The following SAMD4A variants were observed in gnomAD, a reference collection of about 807,000 sequenced individuals.
SAMD4A encodes the protein protein Smaug homolog 1.
A neutral mutation model predicts 81.3 loss-of-function variants in SAMD4A; 33 were observed. The observed-to-expected ratio is 0.41, with a 90% confidence interval of 0.31 to 0.54. The LOEUF (loss-of-function observed/expected upper bound fraction) is 0.54. Ranked by LOEUF, SAMD4A falls within the 20% of genes least tolerant of loss-of-function variation. The pLI is 0.37. For synonymous variants in SAMD4A, 389 were observed against 382.1 expected, an observed-to-expected ratio of 1.02 and a Z score of -0.21; for missense variants, 854 against 951.1, an observed-to-expected ratio of 0.90 and a Z score of 1.34.
At chr14:54,577,092 A>G (rs2033320489) in intron 2 of SAMD4A, among the ~76,000 whole-genome samples, 1 of 152,240 alleles carries the variant, frequency 6.6e-6, no homozygotes, top group Non-Finnish European at 1.5e-5. Flanking sequence ...TGCTGTGGGC[A>G]GTGGGGGCTT....
At chr14:54,619,569 T>C (rs2034567346) in intron 2 of SAMD4A, among the ~76,000 whole-genome samples, 1 of 152,206 alleles carries the variant, frequency 6.6e-6, no homozygotes, top group South Asian at 2.1e-4. Context: ...TTTAAACTTT[T>C]AAGTTCAGGG....
intron 3 of SAMD4A, among the ~76,000 whole-genome samples, chr14:54,726,157 T>A (rs2037410821): frequency 6.6e-6 from 1 of 152,110 alleles, no homozygotes; most frequent in Non-Finnish European, 1.5e-5. Flanking sequence ...AAAGAAAATG[T>A]GCCTGGAGCT....
chr14:54,612,007 G>C (rs1031458623), intron 2 of SAMD4A, among the ~76,000 whole-genome samples: 7 of 152,090 alleles, frequency 4.6e-5, no homozygotes, highest in African/African-American at 1.7e-4. Flanking sequence ...ATTGACACCA[G>C]AGCCGCACAG....
chr14:54,617,109 A>G (rs141426362), intron 2 of SAMD4A, among the ~76,000 whole-genome samples: 7 of 152,306 alleles, frequency 4.6e-5, no homozygotes, highest in African/African-American at 1.7e-4. Flanking sequence ...AAAATTAAAT[A>G]TTTAATTGTG....
intron 2 of SAMD4A, among the ~76,000 whole-genome samples, chr14:54,638,023 G>T (rs2035077806): frequency 6.6e-6 from 1 of 152,160 alleles, no homozygotes; most frequent in Non-Finnish European, 1.5e-5. Context: ...TCCCAACCTT[G>T]CCAGCTTTTT....
At chr14:54,723,614 T>G (rs2037318458) in intron 3 of SAMD4A, among the ~76,000 whole-genome samples, 2 of 152,222 alleles carry the variant, frequency 1.3e-5, no homozygotes, top group African/African-American at 4.8e-5. Flanking sequence ...CAGCAATTCT[T>G]CACCTTCATG....
intron 2 of SAMD4A, among the ~76,000 whole-genome samples, chr14:54,682,255 A>T (rs1345694162): frequency 6.6e-6 from 1 of 152,220 alleles, no homozygotes; most frequent in Non-Finnish European, 1.5e-5. Flanking sequence ...AAGTAGCCAG[A>T]ACTTGCTCAG....
chr14:54,591,244 CA>C (rs1161696364), intron 2 of SAMD4A, among the ~76,000 whole-genome samples: 11 of 152,112 alleles, frequency 7.2e-5, no homozygotes, highest in Admixed American at 5.2e-4. Context: ...GGGTTCTCAG[CA>C]AGGGTATTCC....
chr14:54,618,680 A>G (rs1031567920), intron 2 of SAMD4A, among the ~76,000 whole-genome samples: 1 of 152,196 alleles, frequency 6.6e-6, no homozygotes, highest in African/African-American at 2.4e-5. Context: ...AGAGTTACCA[A>G]GTTACTAAGG....
At chr14:54,770,665 A>AG (rs1431610140) in intron 9 of SAMD4A, among the ~76,000 whole-genome samples, 2 of 152,236 alleles carry the variant, frequency 1.3e-5, no homozygotes, top group Non-Finnish European at 2.9e-5. Flanking sequence ...GGCAGGGTGA[A>AG]GAGCCCAGTG....
At chr14:54,626,015 GGTGTGTGTGTGTGTGTGT>G (rs71446501) in intron 2 of SAMD4A, among the ~76,000 whole-genome samples, 17 of 131,778 alleles carry the variant, frequency 1.3e-4, no homozygotes, top group South Asian at 2.7e-4. Flanking sequence ...TCTACTGCTA[GGTGTGTGTGTGTGTGTGT>G]GTGTGTGTGT....
At chr14:54,639,507 G>A (rs2035117078) in intron 2 of SAMD4A, among the ~76,000 whole-genome samples, 1 of 152,202 alleles carries the variant, frequency 6.6e-6, no homozygotes, top group East Asian at 1.9e-4. Context: ...CCTCACAAGT[G>A]GGGGCCACTC....
At chr14:54,758,603 A>G (rs2038307708) in intron 6 of SAMD4A, among the ~76,000 whole-genome samples, 1 of 152,120 alleles carries the variant, frequency 6.6e-6, no homozygotes, top group African/African-American at 2.4e-5. Context: ...GCTGAGGCGG[A>G]CGGACCACCT....
intron 3 of SAMD4A, among the ~76,000 whole-genome samples, chr14:54,710,806 G>A (rs183740625): frequency 2.0e-5 from 3 of 152,288 alleles, no homozygotes; most frequent in South Asian, 2.1e-4. Flanking sequence ...TATCCTTCCC[G>A]ACTGTGAGCT....
At chr14:54,609,728 T>A (rs556605406) in intron 2 of SAMD4A, among the ~76,000 whole-genome samples, 1 of 152,348 alleles carries the variant, frequency 6.6e-6, no homozygotes, top group African/African-American at 2.4e-5. Context: ...GCCACACAAT[T>A]TCTCTGAGTG....
In SAMD4A at chr14:54,790,037, G is replaced by C. The variant is rs377482832; in HGVS notation, c.*1093G>C. ...GCCTTGCTCCACACACACACAGGTG[G>C]GTACAAGTTCCACTGGAGGAGAAAA... On this transcript the variant is annotated 3_prime_UTR_variant, in exon 13 of 13. Transcript: ENST00000554335. The C allele has an allele frequency of 2.6e-5, 4 of 152,204 alleles. No individual in the cohort carries two copies. The highest frequency in any genetic ancestry group is 9.7e-5 in the African/African-American group (4 of 41,428). 9.4% of individuals were successfully genotyped at this position (152,204 alleles called of 1,614,324 possible). A position where few individuals can be genotyped will look rare whatever the true frequency, so the allele number is the denominator to read the frequency against.
chr14:54,768,612 G>C (rs928388378), intron 8 of SAMD4A, among the ~76,000 whole-genome samples: 1 of 152,214 alleles, frequency 6.6e-6, no homozygotes, highest in Non-Finnish European at 1.5e-5. Context: ...CCCTCTCGCT[G>C]TTAGTCCAGC....
chr14:54,649,238 T>C (rs1182873351), intron 2 of SAMD4A, among the ~76,000 whole-genome samples: 3 of 152,158 alleles, frequency 2.0e-5, no homozygotes, highest in Non-Finnish European at 4.4e-5. Flanking sequence ...TTGTGACTTA[T>C]TTTTAAAGGA....
chr14:54,674,198 A>G (rs952102550), intron 2 of SAMD4A, among the ~76,000 whole-genome samples: 3 of 152,250 alleles, frequency 2.0e-5, no homozygotes, highest in African/African-American at 7.2e-5. Context: ...GAAGCCTGGC[A>G]AGAGGTTTGT....
Sources: gnomAD v4.1 joint callset for allele counts (sites outside exome capture counted in the v4.1 genomes callset) on GRCh38, gnomAD v4.1.1 for gene constraint, MANE v1.5 for transcripts, NCBI Gene and HGNC (gene_info 2026-07-23, HGNC 2026-07-21) for gene names.